Variants in SLC17A6 observed in about 807,000 individuals in gnomAD.
SLC17A6 encodes vesicular glutamate transporter 2.
Under a neutral mutation model 67.1 loss-of-function variants are expected in SLC17A6, and 35 were observed. The ratio of observed to expected loss-of-function variants is 0.52; its 90% confidence interval spans 0.40 to 0.69. The LOEUF is 0.69. Ranked by LOEUF, SLC17A6 falls within the 30% of genes least tolerant of loss-of-function variation. The probability of loss-of-function intolerance (pLI) is 0.00; values close to 1 mark genes in which losing one functional copy is unlikely to be tolerated. For synonymous variants in SLC17A6, 285 were observed against 252.3 expected (o/e 1.13, Z -1.23); for missense variants, 588 against 723.9 (o/e 0.81, Z 2.15).
intron 8 of SLC17A6, among the ~76,000 whole-genome samples, chr11:22,371,294 G>T (rs1012335554): frequency 2.6e-5 from 4 of 151,912 alleles, no homozygotes; most frequent in South Asian, 2.1e-4. Context: ...AGCTGGGCTC[G>T]CTATTCATAT....
intron 3 of SLC17A6, 106 bp downstream of exon 3, chr11:22,343,471 C>T: frequency 1.1e-6 from 1 of 898,670 alleles, no homozygotes; most frequent in South Asian, 1.7e-5. Flanking sequence ...TTGAGGACTC[C>T]CGGGCGAAGT....
intron 7 of SLC17A6, among the ~76,000 whole-genome samples, chr11:22,368,527 A>G (rs1229025860): frequency 6.6e-6 from 1 of 152,008 alleles, no homozygotes; most frequent in Non-Finnish European, 1.5e-5. Context: ...TTAAGGTATA[A>G]GGTGAGATAT....
chr11:22,345,712 T>C (rs1855868690), intron 3 of SLC17A6, among the ~76,000 whole-genome samples: 1 of 152,196 alleles, frequency 6.6e-6, no homozygotes, highest in Admixed American at 6.5e-5. Context: ...TTGCTTCATT[T>C]TGAAAATATA....
chr11:22,348,165 A>G (rs1434886864), intron 3 of SLC17A6, among the ~76,000 whole-genome samples: 1 of 152,208 alleles, frequency 6.6e-6, no homozygotes, highest in Non-Finnish European at 1.5e-5. Flanking sequence ...CTGATGATAC[A>G]TGATGGCAAG....
chr11:22,338,507 C>T lies in SLC17A6; in HGVS notation c.-27C>T, dbSNP rs1467975023. The T allele has an allele frequency of 6.5e-7, 1 of 1,530,952 alleles. No homozygotes were observed. Among genetic ancestry groups the T allele is most frequent in the East Asian group, 2.2e-5 (1 of 44,494 alleles). 94.8% of individuals were successfully genotyped at this position (1,530,952 alleles called of 1,614,324 possible). A position where few individuals can be genotyped will look rare whatever the true frequency, so the allele number is the denominator to read the frequency against. ...CCTAGCAATCACTATTTAAATCTGG[C>T]AAGAACTGACAACAGTCTTTGCAAG... On this transcript the variant is annotated 5_prime_UTR_variant, in exon 1 of 12. Transcript: ENST00000263160.
chr11:22,352,841 CT>C (rs1452853493), intron 3 of SLC17A6, among the ~76,000 whole-genome samples: 2 of 152,134 alleles, frequency 1.3e-5, no homozygotes, highest in Non-Finnish European at 2.9e-5. Flanking sequence ...TGTGAATTTT[CT>C]TTTCTGGTCA....
At chr11:22,343,520 G>T (rs1260594712) in intron 3 of SLC17A6, among the ~76,000 whole-genome samples, 155 bp downstream of exon 3, 1 of 152,188 alleles carries the variant, frequency 6.6e-6, no homozygotes, top group African/African-American at 2.4e-5. Context: ...GGCTGGAGCT[G>T]CTGGTGACTC....
Position 22,376,630 on chromosome 11 carries a change from A to G in SLC17A6, c.1371A>G (p.Gly457=), listed in dbSNP as rs1289902954. ...CGAATGGTGTTGGCACATTGTCAGGAATGGTTTGTCCTATCATTGTTGGTG... is the reference window on the plus strand; with the variant it reads ...CGAATGGTGTTGGCACATTGTCAGGGATGGTTTGTCCTATCATTGTTGGTG... ...GISNGVGTLS[G]MVCPIIVGAM... Residue 457 remains glycine (G), a synonymous_variant, in exon 11 of 12, where the codon GGA becomes GGG. Transcript: ENST00000263160. 1.2e-6 allele frequency: 2 copies of G among 1,613,994 alleles called. No homozygotes were observed. Among genetic ancestry groups the G allele is most frequent in the East Asian group, 2.2e-5 (1 of 44,832 alleles).
intron 1 of SLC17A6, among the ~76,000 whole-genome samples, 190 bp downstream of exon 1, chr11:22,338,809 TCTG>T (rs1855766235): frequency 7.9e-6 from 1 of 125,796 alleles, no homozygotes; most frequent in African/African-American, 3.6e-5. Flanking sequence ...AATGAACCTG[TCTG>T]GTGTGTGTGT....
At chr11:22,362,679 T>G in intron 5 of SLC17A6, 60 bp from the exon 6 acceptor site, 103 of 1,351,852 alleles carry the variant, frequency 7.6e-5, no homozygotes, top group Non-Finnish European at 1.0e-4. Flanking sequence ...GAATGTGAGA[T>G]GATATCAATA....
At chr11:22,343,425 G>A (rs1207138130) in intron 3 of SLC17A6, 60 bp downstream of exon 3, 2 of 1,427,004 alleles carry the variant, frequency 1.4e-6, no homozygotes, top group Admixed American at 2.0e-5. Flanking sequence ...CGAAGGGGCA[G>A]CAGAAGCTGG....
rs1856256809 is a variant in SLC17A6, at chr11:22,378,438, A to G, written c.*698A>G. 1 of 152,616 alleles carries G rather than the reference A, an allele frequency of 6.6e-6. No individual in the cohort carries two copies. The highest frequency in any genetic ancestry group is 2.4e-5 in the African/African-American group (1 of 41,466). 9.5% of individuals were successfully genotyped at this position (152,616 alleles called of 1,614,324 possible). Reference sequence around the variant, plus strand: ...TACCTAATAGTATGAAACAGTTCACATTTCAATAAAATCAAACTTTTCATG... The same window carrying G: ...TACCTAATAGTATGAAACAGTTCACGTTTCAATAAAATCAAACTTTTCATG... On this transcript the variant is annotated 3_prime_UTR_variant, in exon 12 of 12. Transcript: ENST00000263160.
At chr11:22,367,032 C>T (rs950264546) in intron 7 of SLC17A6, among the ~76,000 whole-genome samples, 7 of 134,660 alleles carry the variant, frequency 5.2e-5, no homozygotes, top group Admixed American at 2.3e-4. Context: ...AAAAGGAGAA[C>T]ACTGTTTAGT....
chr11:22,339,130 TTA>T (rs1235103963), intron 1 of SLC17A6, among the ~76,000 whole-genome samples: 14 of 25,176 alleles, frequency 5.6e-4, no homozygotes, highest in East Asian at 8.3e-3. Context: ...TATATATATG[TTA>T]TATATATATG....
At chr11:22,343,735 G>T (rs921765116) in intron 3 of SLC17A6, among the ~76,000 whole-genome samples, 9 of 152,112 alleles carry the variant, frequency 5.9e-5, no homozygotes, top group Non-Finnish European at 2.9e-5. Flanking sequence ...CAGATGCTGC[G>T]CTCTCTCCTG....
chr11:22,350,349 G>A (rs922126124), intron 3 of SLC17A6, among the ~76,000 whole-genome samples: 11 of 152,034 alleles, frequency 7.2e-5, no homozygotes, highest in African/African-American at 2.7e-4. Flanking sequence ...TGTAAAAGAA[G>A]GGAAAGTGTA....
At position 22,374,808 on chromosome 11, in the gene SLC17A6, T is replaced by C; in HGVS notation, c.1095T>C (p.Ile365=). The C allele has an allele frequency of 1.9e-6, 3 of 1,613,636 alleles. No homozygotes were observed. The highest frequency in any genetic ancestry group is 2.5e-6 in the Non-Finnish European group (3 of 1,179,820). The change falls in exon 9 of 12, where the codon ATT becomes ATC. Residue 365 remains isoleucine, a synonymous_variant. Transcript: ENST00000263160. ...TAGTAATGACAATTATTGTGCCTATTGGGGGACAAATTGCAGATTTTCTAA... is the reference window on the plus strand; with the variant it reads ...TAGTAATGACAATTATTGTGCCTATCGGGGGACAAATTGCAGATTTTCTAA... The part of the protein sequence containing the change: ...PHLVMTIIVP[I]GGQIADFLRS...
chr11:22,363,478 G>A (rs960472678), intron 6 of SLC17A6, among the ~76,000 whole-genome samples: 3 of 152,108 alleles, frequency 2.0e-5, no homozygotes, highest in African/African-American at 7.2e-5. Flanking sequence ...GATGAGGAAA[G>A]GAAAAATAAA....
At chr11:22,360,849 C>T (rs925390322) in intron 4 of SLC17A6, 48 bp from the exon 5 acceptor site, 3 of 1,528,842 alleles carry the variant, frequency 2.0e-6, no homozygotes, top group African/African-American at 2.7e-5. Context: ...ACTAAAAAGA[C>T]TCTTGATCCT....
Sources: allele counts gnomAD v4.1 joint callset (sites outside exome capture counted in the v4.1 genomes callset), GRCh38; gene constraint gnomAD v4.1.1; transcripts MANE v1.5; gene names NCBI Gene and HGNC (gene_info 2026-07-23, HGNC 2026-07-21).